CAMK4: variants seen among roughly 807,000 people sequenced by gnomAD.
The protein encoded by CAMK4 is calcium/calmodulin dependent protein kinase IV, also known as calcium/calmodulin-dependent protein kinase type IV.
In CAMK4, 22 loss-of-function variants were observed where a neutral mutation model predicts 44.9. The ratio of observed to expected loss-of-function variants is 0.49; its 90% CI spans 0.35 to 0.70. The LOEUF is 0.70. CAMK4 is among the 30% of genes least tolerant of loss of function. CAMK4 has a pLI of 0.01. For synonymous variants in CAMK4, 218 were observed against 215.4 expected, an observed-to-expected ratio of 1.01 and a Z score of -0.11; for missense variants, 498 against 586.8, an observed-to-expected ratio of 0.85 and a Z score of 1.56.
At chr5:111,413,926 GATA>G (rs1383117380) in intron 5 of CAMK4, among the ~76,000 whole-genome samples, 2 of 151,748 alleles carry the variant, frequency 1.3e-5, no homozygotes, top group Non-Finnish European at 2.9e-5. Context: ...GTCATAAACT[GATA>G]ATAAATTAGA....
chr5:111,288,766 A>G (rs975166420), intron 1 of CAMK4, among the ~76,000 whole-genome samples: 3 of 152,250 alleles, frequency 2.0e-5, no homozygotes, highest in African/African-American at 4.8e-5. Flanking sequence ...TAAGGGGAAT[A>G]AAACAAAAGG....
intron 1 of CAMK4, among the ~76,000 whole-genome samples, chr5:111,244,486 A>G (rs1749144718): frequency 6.6e-6 from 1 of 152,206 alleles, no homozygotes; most frequent in Non-Finnish European, 1.5e-5. Context: ...GGGCTGAGAT[A>G]TTCTTTGTCA....
rs77760889 is a variant in CAMK4, at chr5:111,384,240, G to A, written c.386+7298G>A. On this transcript the variant is annotated intron_variant, in intron 4 of 10. Transcript: ENST00000282356. ...ATGCTGAAGGCTATGCATATTTGGA[G>A]ACTCTGGTCTCTGTAGCATTATATA... 6.1e-3 allele frequency among the ~76,000 whole-genome samples: 934 copies of A among 152,232 alleles called. 5 individuals carry two copies. Among genetic ancestry groups the A allele is most frequent in the Non-Finnish European group, 0.011 (733 of 68,006 alleles).
intron 1 of CAMK4, among the ~76,000 whole-genome samples, chr5:111,338,051 A>G (rs1011991248): frequency 1.3e-4 from 20 of 151,166 alleles, no homozygotes; most frequent in Admixed American, 4.0e-4. Context: ...GGATCTTTGC[A>G]TGTTCTTGTT....
intron 2 of CAMK4, among the ~76,000 whole-genome samples, chr5:111,371,598 G>T (rs76125114): frequency 0.032 from 4,896 of 152,222 alleles, 111 homozygotes; most frequent in Non-Finnish European, 0.048. Context: ...TCCTTACTGT[G>T]TACTGTGCAT....
intron 5 of CAMK4, among the ~76,000 whole-genome samples, chr5:111,438,445 CAT>C (rs1237986819): frequency 1.8e-4 from 28 of 152,252 alleles, no homozygotes; most frequent in Middle Eastern, 3.4e-3. Context: ...TTGTAGCAAA[CAT>C]GTGGTATTCA....
At chr5:111,428,666 G>T (rs981898181) in intron 5 of CAMK4, among the ~76,000 whole-genome samples, 3 of 152,128 alleles carry the variant, frequency 2.0e-5, no homozygotes, top group Admixed American at 6.6e-5. Context: ...TTGAAGACAG[G>T]CTGATTGAAA....
intron 1 of CAMK4, among the ~76,000 whole-genome samples, chr5:111,319,281 T>C (rs1035296938): frequency 3.9e-5 from 6 of 152,204 alleles, no homozygotes; most frequent in African/African-American, 1.4e-4. Context: ...CCTTTCTAGA[T>C]AGACTTCCAC....
At chr5:111,328,316 G>C (rs1387817999) in intron 1 of CAMK4, among the ~76,000 whole-genome samples, 1 of 151,666 alleles carries the variant, frequency 6.6e-6, no homozygotes, top group Non-Finnish European at 1.5e-5. Context: ...AGATCAGATA[G>C]TTGTAGATAT....
At chr5:111,365,766 G>C (rs796183543) in intron 2 of CAMK4, among the ~76,000 whole-genome samples, 1 of 152,068 alleles carries the variant, frequency 6.6e-6, no homozygotes, top group African/African-American at 2.4e-5. Context: ...GTCATAAGAT[G>C]CCCAGGTTTC....
intron 1 of CAMK4, among the ~76,000 whole-genome samples, chr5:111,266,356 T>A (rs1045740519): frequency 5.3e-5 from 8 of 152,156 alleles, no homozygotes; most frequent in African/African-American, 1.9e-4. Flanking sequence ...CATTCATGAA[T>A]TCTTTCTTTA....
Position 111,492,115 on chromosome 5 carries a change from G to A in CAMK4, c.*7649G>A, listed in dbSNP as rs1019723474. 3.9e-5 allele frequency: 6 copies of A among 152,218 alleles called. No homozygotes were observed. The highest frequency in any genetic ancestry group is 1.4e-4 in the African/African-American group (6 of 41,538). 9.4% of individuals were successfully genotyped at this position (152,218 alleles called of 1,614,324 possible). A position where few individuals can be genotyped will look rare whatever the true frequency, so the allele number is the denominator to read the frequency against. Reference sequence around the variant, plus strand: ...AGTCTATTTCTGTCACAGAGAAATTGTTCATTCCAAAATATCCACCTTAAG... The same window carrying A: ...AGTCTATTTCTGTCACAGAGAAATTATTCATTCCAAAATATCCACCTTAAG... On this transcript the variant is annotated 3_prime_UTR_variant, in exon 11 of 11. Transcript: ENST00000282356.
intron 1 of CAMK4, among the ~76,000 whole-genome samples, chr5:111,310,621 A>T (rs1189410926): frequency 6.6e-6 from 1 of 152,060 alleles, no homozygotes; most frequent in African/African-American, 2.4e-5. Flanking sequence ...GTACATAGGA[A>T]CTCCTCAACA....
At chr5:111,460,238 CAT>C (rs1362320588) in intron 7 of CAMK4, among the ~76,000 whole-genome samples, 1 of 148,542 alleles carries the variant, frequency 6.7e-6, no homozygotes, top group African/African-American at 2.5e-5. Flanking sequence ...TAGAGAAAAA[CAT>C]AATGTTTTTC....
Position 111,474,006 on chromosome 5 carries a change from G to T in CAMK4, c.701+620G>T, listed in dbSNP as rs1002291964. Reference sequence around the variant, plus strand: ...AGAAATAAGGAGTTTCATGAAATTTGCCAAAGACATGGTGGAACTGCAGGT... The same window carrying T: ...AGAAATAAGGAGTTTCATGAAATTTTCCAAAGACATGGTGGAACTGCAGGT... On this transcript the variant is annotated intron_variant, in intron 8 of 10. Transcript: ENST00000282356. Among the ~76,000 whole-genome samples the T allele has an allele frequency of 2.0e-5, 3 of 152,094 alleles. No individual in the cohort carries two copies. In the East Asian group the frequency reaches 5.8e-4, roughly 29 times the overall value.
At chr5:111,449,071 AT>A in intron 6 of CAMK4, 57 bp from the exon 7 acceptor site, 1 of 768,074 alleles carries the variant, frequency 1.3e-6, no homozygotes, top group Admixed American at 2.3e-5. Context: ...AATAACAAAT[AT>A]TTTGTCATAA....
At chr5:111,377,876 A>G (rs751821047) in intron 4 of CAMK4, among the ~76,000 whole-genome samples, 2 of 152,250 alleles carry the variant, frequency 1.3e-5, no homozygotes, top group African/African-American at 2.4e-5. Flanking sequence ...GAGTGCCTGG[A>G]TCACAGCAAA....
At chr5:111,385,715 A>G (rs1751576467) in intron 4 of CAMK4, among the ~76,000 whole-genome samples, 1 of 152,114 alleles carries the variant, frequency 6.6e-6, no homozygotes. Flanking sequence ...CTGGGACTAC[A>G]GGCACACGCC....
intron 5 of CAMK4, among the ~76,000 whole-genome samples, chr5:111,400,326 G>A (rs956470017): frequency 1.3e-5 from 2 of 152,158 alleles, no homozygotes; most frequent in African/African-American, 2.4e-5. Context: ...GAAATGGCTG[G>A]CATTTATGAA....
Sources: allele counts gnomAD v4.1 joint callset (sites outside exome capture counted in the v4.1 genomes callset), GRCh38; gene constraint gnomAD v4.1.1; transcripts MANE v1.5; gene names NCBI Gene and HGNC (gene_info 2026-07-23, HGNC 2026-07-21).